Variants in IFT140 observed in about 807,000 individuals in gnomAD.
IFT140 encodes intraflagellar transport protein 140 homolog.
A neutral mutation model predicts 164.6 loss-of-function variants in IFT140; 133 were observed. That is an observed-to-expected ratio of 0.81 (90% CI 0.70 to 0.93). IFT140 has a LOEUF of 0.93. IFT140 is among the 40% of genes least tolerant of loss of function. The probability of loss-of-function intolerance (pLI) is 0.00; values close to 1 mark genes in which losing one functional copy is unlikely to be tolerated. For synonymous variants in IFT140, 860 were observed against 817.3 expected (o/e 1.05, Z -0.89); for missense variants, 2,045 against 1,972.3 (o/e 1.04, Z -0.70).
At chr16:1,571,782 T>C (rs895261565) in intron 13 of IFT140, among the ~76,000 whole-genome samples, 18 of 152,276 alleles carry the variant, frequency 1.2e-4, no homozygotes, top group African/African-American at 4.3e-4. Flanking sequence ...AGAGCTCTGG[T>C]GCCTCCAGTC....
chr16:1,515,790 G>A (rs1299480787), intron 30 of IFT140, among the ~76,000 whole-genome samples: 4 of 152,144 alleles, frequency 2.6e-5, no homozygotes, highest in African/African-American at 4.8e-5. Flanking sequence ...TCATCATCAG[G>A]AGATCTGAAC....
intron 22 of IFT140, 44 bp downstream of exon 22, chr16:1,525,187 C>T: frequency 6.7e-7 from 1 of 1,495,184 alleles, no homozygotes; most frequent in African/African-American, 1.4e-5. Flanking sequence ...CTGCAAACCT[C>T]CAGGATGGAG....
At chr16:1,563,014 C>T (rs577721410) in intron 17 of IFT140, among the ~76,000 whole-genome samples, 42 of 152,184 alleles carry the variant, frequency 2.8e-4, no homozygotes, top group African/African-American at 8.9e-4. Context: ...CAGACAAGGG[C>T]GCATCATCAC....
At chr16:1,543,213 C>G (rs1448578157) in intron 19 of IFT140, among the ~76,000 whole-genome samples, 1 of 152,270 alleles carries the variant, frequency 6.6e-6, no homozygotes, top group African/African-American at 2.4e-5. Flanking sequence ...TCCTCGAGGC[C>G]GGTGCAGCGT....
chr16:1,520,541 A>AG, intron 27 of IFT140, 61 bp downstream of exon 27: 1 of 1,489,314 alleles, frequency 6.7e-7, no homozygotes, highest in Non-Finnish European at 9.1e-7. Flanking sequence ...AGATGCGTGC[A>AG]GGGGGCCCGC....
At chr16:1,548,816 C>T (rs550444456) in intron 19 of IFT140, among the ~76,000 whole-genome samples, 1 of 152,364 alleles carries the variant, frequency 6.6e-6, no homozygotes, top group African/African-American at 2.4e-5. Context: ...TTCTTACGCG[C>T]GTCTGGAGGC....
chr16:1,575,467 C>T (rs1006097765), intron 13 of IFT140, among the ~76,000 whole-genome samples: 2 of 151,994 alleles, frequency 1.3e-5, no homozygotes, highest in Non-Finnish European at 2.9e-5. Flanking sequence ...GTGGGAGGAT[C>T]GCTTGAGCCC....
At chr16:1,569,091 G>A (rs1464903961) in intron 14 of IFT140, among the ~76,000 whole-genome samples, 11 of 144,824 alleles carry the variant, frequency 7.6e-5, no homozygotes, top group South Asian at 2.3e-4. Context: ...TGCAAGCTCC[G>A]CCTCCCGGGT....
At chr16:1,607,420 A>T in intron 2 of IFT140, 123 bp from the exon 3 acceptor site, 3 of 827,380 alleles carry the variant, frequency 3.6e-6, no homozygotes, top group Non-Finnish European at 5.5e-6. Flanking sequence ...CGGCAACTTG[A>T]AAATGCCTTG....
At chr16:1,604,308 T>TGTGTGTGTGTGTGTGTGTGG (rs2035948613) in intron 3 of IFT140, 1 of 134,990 alleles carries the variant, frequency 7.4e-6, no homozygotes, top group African/African-American at 3.2e-5. Context: ...TGTGTGTGTG[T>TGTGTGTGTGTGTGTGTGTGG]GTGTGTGTGG....
intron 13 of IFT140, among the ~76,000 whole-genome samples, chr16:1,572,879 G>A (rs868491218): frequency 4.6e-5 from 7 of 152,334 alleles, no homozygotes; most frequent in African/African-American, 1.7e-4. Context: ...GGCACTCCAC[G>A]TGGGGGCAGC....
chr16:1,561,653 G>A (rs929774820), intron 18 of IFT140, among the ~76,000 whole-genome samples: 3 of 152,228 alleles, frequency 2.0e-5, no homozygotes, highest in African/African-American at 7.2e-5. Context: ...AAGCTAAAAA[G>A]GTGTTCAGCA....
chr16:1,523,057 T>C (rs1032059491), intron 26 of IFT140, among the ~76,000 whole-genome samples: 2 of 151,286 alleles, frequency 1.3e-5, no homozygotes, highest in African/African-American at 2.4e-5. Context: ...CCTGAGTCTA[T>C]GAAAAAAAAT....
In IFT140 at chr16:1,580,819, T is replaced by C; in HGVS notation, c.1464A>G (p.Ala488=). The change falls in exon 13 of 31, where the codon GCA becomes GCG. Residue 488 remains alanine, a synonymous_variant. Transcript: ENST00000426508. ...GTFLCETPVL[A]MHEENVYTVE... The stretch of plus-strand genomic sequence containing the variant: ...CCGTGTAAACGTTTTCTTCATGCAT[T>C]GCTAACACAGGCGTCTCACACAAGA... The C allele has an allele frequency of 2.5e-6, 4 of 1,613,860 alleles. No homozygotes were observed. Among genetic ancestry groups the C allele is most frequent in the Non-Finnish European group, 3.4e-6 (4 of 1,179,822 alleles).
intron 30 of IFT140, among the ~76,000 whole-genome samples, chr16:1,513,806 T>C (rs565850522): frequency 6.7e-6 from 1 of 149,712 alleles, no homozygotes; most frequent in East Asian, 2.2e-4. Context: ...CCCAAGTAGC[T>C]GGGACTACAG....
At chr16:1,570,053 G>GT (rs1356803906) in intron 14 of IFT140, among the ~76,000 whole-genome samples, 2 of 152,136 alleles carry the variant, frequency 1.3e-5, no homozygotes, top group Non-Finnish European at 2.9e-5. Context: ...TCTTTATGAG[G>GT]TTTTTTGGTT....
intron 25 of IFT140, 26 bp downstream of exon 25, chr16:1,523,802 G>C (rs374301501): frequency 1.2e-6 from 2 of 1,609,430 alleles, no homozygotes; most frequent in Non-Finnish European, 1.7e-6. Context: ...CCCTCCCCCA[G>C]GTCCCCACCG....
chr16:1,611,399 G>T (rs1425911303), intron 1 of IFT140, among the ~76,000 whole-genome samples: 1 of 152,090 alleles, frequency 6.6e-6, no homozygotes, highest in East Asian at 1.9e-4. Flanking sequence ...ACAGGAGGCT[G>T]AGGGAGGAGA....
chr16:1,569,575 CCCCTT>C (rs1466256982), intron 14 of IFT140, among the ~76,000 whole-genome samples: 3 of 150,220 alleles, frequency 2.0e-5, no homozygotes, highest in Non-Finnish European at 4.4e-5. Flanking sequence ...TCCCTCCCCT[CCCCTT>C]CCTTTTCTCT....
Sources: allele counts gnomAD v4.1 joint callset (sites outside exome capture counted in the v4.1 genomes callset), GRCh38; gene constraint gnomAD v4.1.1; transcripts MANE v1.5; gene names NCBI Gene and HGNC (gene_info 2026-07-23, HGNC 2026-07-21).